LYN: variants seen among roughly 807,000 people sequenced by gnomAD.
LYN encodes LYN proto-oncogene, Src family tyrosine kinase.
In LYN, 12 loss-of-function variants were observed where a neutral mutation model predicts 65.0. The ratio of observed to expected loss-of-function variants is 0.18; its 90% CI spans 0.12 to 0.30. LYN has a LOEUF of 0.30. LYN is among the 10% of genes least tolerant of loss of function. LYN has a pLI of 1.00. For synonymous variants in LYN, 222 were observed against 221.2 expected (o/e 1.00, Z -0.03); for missense variants, 380 against 623.2 (o/e 0.61, Z 4.16).
intron 7 of LYN, among the ~76,000 whole-genome samples, chr8:55,953,543 G>A (rs966997104): frequency 3.9e-5 from 6 of 152,024 alleles, no homozygotes; most frequent in African/African-American, 1.4e-4. Flanking sequence ...AGTTACTTTG[G>A]AGGCTGAGGC....
chr8:55,988,924 G>A (rs1350619266), intron 10 of LYN, among the ~76,000 whole-genome samples: 1 of 151,772 alleles, frequency 6.6e-6, no homozygotes, highest in African/African-American at 2.4e-5. Flanking sequence ...GAGCAAGATA[G>A]CCTTGCTTGT....
chr8:55,971,025 C>A (rs1465980980), intron 10 of LYN, among the ~76,000 whole-genome samples: 1 of 152,308 alleles, frequency 6.6e-6, no homozygotes, highest in East Asian at 1.9e-4. Flanking sequence ...CAATGCCCAT[C>A]CTTCCAGTAA....
rs369422336 is a variant in LYN, at chr8:55,985,902, C to T, written c.1051-12444C>T. On this transcript the variant is annotated intron_variant, in intron 10 of 12. Coordinates refer to ENST00000519728, the MANE Select transcript of LYN (RefSeq NM_002350.4). The stretch of plus-strand genomic sequence containing the variant: ...CTAAGGGTGACCAGGCTCAGTGGCT[C>T]ATGTCTGTAATCCCAACATTTTGGG... Among the ~76,000 whole-genome samples the T allele has an allele frequency of 3.6e-4, 55 of 152,252 alleles. 1 individual carries two copies. In the East Asian group the frequency reaches 8.5e-3, roughly 24 times the overall value.
At chr8:55,964,535 A>G (rs1358744089) in intron 8 of LYN, among the ~76,000 whole-genome samples, 1 of 152,212 alleles carries the variant, frequency 6.6e-6, no homozygotes, top group Non-Finnish European at 1.5e-5. Context: ...TAGATGTATA[A>G]TACATTTCTT....
intron 10 of LYN, among the ~76,000 whole-genome samples, chr8:55,982,102 G>T (rs1265452679): frequency 6.6e-6 from 1 of 152,088 alleles, no homozygotes; most frequent in East Asian, 1.9e-4. Context: ...AGGGTGATGG[G>T]CTGGCGGATT....
At position 55,906,045 on chromosome 8, in the gene LYN, C is replaced by T. The variant is rs193157577; in HGVS notation, c.-6+25942C>T. 6.6e-5 allele frequency among the ~76,000 whole-genome samples: 10 copies of T among 152,288 alleles called. No individual in the cohort carries two copies. The East Asian group carries it at 1.9e-3, about 29-fold the overall frequency. On this transcript the variant is annotated intron_variant, in intron 1 of 12. Transcript: ENST00000519728. ...TGTTGCTTTTCTTTCTTTTTCCATA[C>T]AGTAGTTCATCTGATATGTGCAGTT...
intron 12 of LYN, among the ~76,000 whole-genome samples, chr8:55,999,924 T>A (rs1400786694): frequency 6.6e-6 from 1 of 150,574 alleles, no homozygotes; most frequent in Non-Finnish European, 1.5e-5. Context: ...TGAGCTGAGA[T>A]CGCGCCATTC....
intron 1 of LYN, among the ~76,000 whole-genome samples, chr8:55,920,796 C>T (rs1044372201): frequency 4.0e-5 from 6 of 150,576 alleles, no homozygotes; most frequent in African/African-American, 9.8e-5. Context: ...ACCCCCCCAC[C>T]GGGTTCCAGC....
chr8:55,892,189 G>A (rs1419087185), intron 1 of LYN, among the ~76,000 whole-genome samples: 7 of 152,216 alleles, frequency 4.6e-5, no homozygotes, highest in Non-Finnish European at 7.3e-5. Context: ...TTAGAAGGCC[G>A]AGGCAGATGG....
At chr8:55,997,137 G>C (rs1022761737) in intron 10 of LYN, among the ~76,000 whole-genome samples, 3 of 150,450 alleles carry the variant, frequency 2.0e-5, no homozygotes, top group African/African-American at 7.4e-5. Flanking sequence ...ACTCCAGCCT[G>C]GGGGAGACAG....
At chr8:55,911,285 AT>A (rs1209633804) in intron 1 of LYN, among the ~76,000 whole-genome samples, 723 of 27,536 alleles carry the variant, frequency 0.026, 79 homozygotes, top group Non-Finnish European at 0.033. Context: ...ATATATATAT[AT>A]TTTTTTTTTT....
At chr8:55,932,413 T>TTTTG (rs57239591) in intron 1 of LYN, among the ~76,000 whole-genome samples, 76,914 of 150,876 alleles carry the variant, frequency 0.51, 20,271 homozygotes, top group African/African-American at 0.62. Flanking sequence ...TATATATATT[T>TTTTG]TTTGTTTGTT....
chr8:55,949,986 C>A (rs780636925), intron 4 of LYN, among the ~76,000 whole-genome samples: 1 of 152,192 alleles, frequency 6.6e-6, no homozygotes, highest in Non-Finnish European at 1.5e-5. Context: ...TGAAGACTGA[C>A]CTATTCTGGA....
At chr8:55,906,636 C>T (rs565109562) in intron 1 of LYN, among the ~76,000 whole-genome samples, 4 of 151,454 alleles carry the variant, frequency 2.6e-5, no homozygotes, top group South Asian at 2.1e-4. Flanking sequence ...GGATTACAGG[C>T]GTGAGCCATC....
intron 10 of LYN, among the ~76,000 whole-genome samples, chr8:55,974,266 A>G (rs1807692636): frequency 6.6e-6 from 1 of 152,178 alleles, no homozygotes; most frequent in Non-Finnish European, 1.5e-5. Context: ...CTACTGTGAT[A>G]TGCATTTTCC....
intron 12 of LYN, among the ~76,000 whole-genome samples, chr8:56,008,124 A>AAAAAAAAAAATAAAATAAAAT (rs1221275260): frequency 1.2e-5 from 1 of 86,638 alleles, no homozygotes; most frequent in African/African-American, 4.1e-5. Context: ...GCCTCAAAAA[A>AAAAAAAAAAATAAAATAAAAT]AAAATAAAAT....
At chr8:55,957,953 T>A (rs1172173617) in intron 8 of LYN, among the ~76,000 whole-genome samples, 1 of 151,908 alleles carries the variant, frequency 6.6e-6, no homozygotes, top group Non-Finnish European at 1.5e-5. Context: ...TCTCAAAAAA[T>A]AAATAAATAA....
rs116009022 is a variant in LYN at position 55,964,966 on chromosome 8, C to T, written c.791-1749C>T. 3.3e-3 allele frequency among the ~76,000 whole-genome samples: 509 copies of T among 152,232 alleles called. 5 individuals are homozygous for T. Among genetic ancestry groups the T allele is most frequent in the African/African-American group, 0.011 (474 of 41,524 alleles). On this transcript the variant is annotated intron_variant, in intron 8 of 12. Transcript: ENST00000519728. ...TAGGGCAGGTGCTATCCAGCTTTTG[C>T]GCACCAGGCAGCAGGAACTGCAGGA...
intron 12 of LYN, 127 bp downstream of exon 12, chr8:55,999,676 A>C (rs1018967517): frequency 2.7e-5 from 28 of 1,029,056 alleles, no homozygotes; most frequent in Middle Eastern, 5.5e-4. Flanking sequence ...TTGAGCCAGA[A>C]CTTGATTTTC....
Sources: allele counts gnomAD v4.1 joint callset (sites outside exome capture counted in the v4.1 genomes callset), GRCh38; gene constraint gnomAD v4.1.1; transcripts MANE v1.5; gene names NCBI Gene and HGNC (gene_info 2026-07-23, HGNC 2026-07-21).